The following FAM120A variants were observed in gnomAD, a reference collection of about 807,000 sequenced individuals.
The protein encoded by FAM120A is constitutive coactivator of PPAR-gamma-like protein 1.
A neutral mutation model predicts 109.7 loss-of-function variants in FAM120A; 15 were observed. The ratio of observed to expected loss-of-function variants is 0.14; its 90% CI spans 0.09 to 0.21. The LOEUF (loss-of-function observed/expected upper bound fraction) is 0.21, where lower values mean the gene tolerates loss of function less well. Ranked by LOEUF, FAM120A falls within the 10% of genes least tolerant of loss-of-function variation. FAM120A has a pLI of 1.00. For missense variants in FAM120A, 899 were observed against 1,439.3 expected (o/e 0.62, Z 6.07); for synonymous variants, 493 against 572.8 (o/e 0.86, Z 1.99).
chr9:93,511,742 T>C (rs774024642), intron 5 of FAM120A, among the ~76,000 whole-genome samples: 1 of 152,252 alleles, frequency 6.6e-6, no homozygotes, highest in Non-Finnish European at 1.5e-5. Context: ...ACTCGACATC[T>C]TCAAAGCTAT....
chr9:93,471,539 C>A, intron 2 of FAM120A, 152 bp downstream of exon 2: 1 of 984,510 alleles, frequency 1.0e-6, no homozygotes, highest in Non-Finnish European at 1.5e-6. Context: ...TTCCTTGCTT[C>A]GTATTATTTT....
intron 1 of FAM120A, among the ~76,000 whole-genome samples, chr9:93,458,495 G>T (rs1483655841): frequency 6.6e-6 from 1 of 151,968 alleles, no homozygotes; most frequent in Non-Finnish European, 1.5e-5. Context: ...GCCAATTCTG[G>T]CTCAGTAGTC....
chr9:93,453,447 T>C, intron 1 of FAM120A: 1 of 985,490 alleles, frequency 1.0e-6, no homozygotes. Context: ...GCCTTTTTGT[T>C]GTCTTAGCTC....
intron 12 of FAM120A, 30 bp from the exon 13 acceptor site, chr9:93,556,352 T>A: frequency 6.4e-7 from 1 of 1,565,920 alleles, no homozygotes; most frequent in Non-Finnish European, 8.8e-7. Flanking sequence ...GTACTCTTAT[T>A]CCATAGAAAT....
chr9:93,498,810 T>C lies in FAM120A; in HGVS notation c.954T>C (p.Val318=). The C allele has an allele frequency of 1.2e-6, 2 of 1,611,446 alleles. No homozygotes were observed. The highest frequency in any genetic ancestry group is 1.7e-6 in the Non-Finnish European group (2 of 1,177,588). ...QHSQSRTDDK[V]IRFKRAIGYY... is the part of the protein sequence containing the mutation. ...TTCAGTCTAGAACAGATGACAAAGT[T>C]ATTCGATTTAAGAGAGCAATTGGAT... is the stretch of plus-strand genomic sequence containing the variant. The change falls in exon 5 of 18, where the codon GTT becomes GTC. Residue 318 remains valine (V), a synonymous_variant. Transcript: ENST00000277165. The surrounding 1 kb of genome is among the most constrained non-coding windows in gnomAD (Gnocchi z 4.4).
chr9:93,484,322 T>C (rs1454623785), intron 3 of FAM120A, among the ~76,000 whole-genome samples: 2 of 152,136 alleles, frequency 1.3e-5, no homozygotes, highest in African/African-American at 4.8e-5. Context: ...TGTTACAGGA[T>C]TGCTTTTAGT....
chr9:93,543,077 G>A (rs2131517044), intron 10 of FAM120A, 145 bp from the exon 11 acceptor site: 1 of 971,032 alleles, frequency 1.0e-6, no homozygotes, highest in East Asian at 2.5e-5. Context: ...AGGACTTGAT[G>A]ATTGGTAGTT....
At chr9:93,518,299 G>A (rs367833438) in intron 7 of FAM120A, among the ~76,000 whole-genome samples, 38 of 152,270 alleles carry the variant, frequency 2.5e-4, no homozygotes, top group African/African-American at 8.9e-4. Flanking sequence ...GTGCCAAGTA[G>A]AGACAGTGTT....
intron 10 of FAM120A, among the ~76,000 whole-genome samples, chr9:93,542,575 G>A (rs1013154482): frequency 6.6e-6 from 1 of 152,210 alleles, no homozygotes; most frequent in African/African-American, 2.4e-5. Context: ...GAGGCGAAAT[G>A]TTGGATAACT....
At chr9:93,554,264 C>G (rs1215837516) in intron 12 of FAM120A, among the ~76,000 whole-genome samples, 1 of 151,764 alleles carries the variant, frequency 6.6e-6, no homozygotes, top group Non-Finnish European at 1.5e-5. Context: ...ACATCTGCTG[C>G]TGTTTCTTCA....
At chr9:93,489,673 G>A (rs140768812) in intron 3 of FAM120A, among the ~76,000 whole-genome samples, 3 of 152,336 alleles carry the variant, frequency 2.0e-5, no homozygotes, top group Non-Finnish European at 2.9e-5. Context: ...CATTTTAACA[G>A]CCTTTCAAAT....
chr9:93,476,191 C>G (rs1858541191), intron 2 of FAM120A, 65 bp from the exon 3 acceptor site: 1 of 1,113,558 alleles, frequency 9.0e-7, no homozygotes, highest in Non-Finnish European at 1.4e-6. Flanking sequence ...ATATGCAGCA[C>G]TTTTGAAAGT....
At chr9:93,466,754 C>T (rs1322278152) in intron 1 of FAM120A, among the ~76,000 whole-genome samples, 1 of 152,168 alleles carries the variant, frequency 6.6e-6, no homozygotes, top group Non-Finnish European at 1.5e-5. Flanking sequence ...CACCGGTTCT[C>T]ACTGATGTCT....
intron 1 of FAM120A, chr9:93,453,539 G>T: frequency 1.0e-6 from 1 of 985,396 alleles, no homozygotes; most frequent in Non-Finnish European, 1.2e-6. Flanking sequence ...CTGTCTTCGC[G>T]GTTGCCCCCA....
chr9:93,556,277 TG>T, intron 12 of FAM120A, 104 bp from the exon 13 acceptor site: 2 of 899,314 alleles, frequency 2.2e-6, no homozygotes, highest in Non-Finnish European at 3.5e-6. Flanking sequence ...GGTGCTGTTT[TG>T]TTGAGGAATA....
intron 5 of FAM120A, among the ~76,000 whole-genome samples, chr9:93,501,779 C>T (rs1032997428): frequency 6.6e-6 from 1 of 152,186 alleles, no homozygotes; most frequent in Non-Finnish European, 1.5e-5. Context: ...TTGTTTCAAG[C>T]TGCATACACA....
At chr9:93,512,112 T>A (rs1381907516) in intron 5 of FAM120A, among the ~76,000 whole-genome samples, 1 of 152,170 alleles carries the variant, frequency 6.6e-6, no homozygotes, top group African/African-American at 2.4e-5. Context: ...TTTGTTTTGT[T>A]TTTTGTTTTT....
rs762088381 is a variant in FAM120A, at chr9:93,452,445, C to A, written c.474+56C>A. On this transcript the variant is annotated intron_variant, in intron 1 of 17. Transcript: ENST00000277165. This position sits in a 1 kb window ranked among gnomAD's most constrained non-coding sequence, Gnocchi z 7.0. Reference sequence around the variant, plus strand: ...CCGGGGCCGCGCCGCACCCCTATCCCCCTTCCCAGGGCGCAGAATGTCGCC... The same window carrying A: ...CCGGGGCCGCGCCGCACCCCTATCCACCTTCCCAGGGCGCAGAATGTCGCC... 9 of 1,558,920 alleles carry A rather than the reference C, an allele frequency of 5.8e-6. No individual in the cohort carries two copies. In the Admixed American group the frequency reaches 1.3e-4, roughly 23 times the overall value.
At chr9:93,453,689 CA>C in intron 1 of FAM120A, 2 of 930,056 alleles carry the variant, frequency 2.2e-6, no homozygotes, top group Non-Finnish European at 2.6e-6. Context: ...CTGCGCCTGG[CA>C]GACACACAGC....
Sources: allele counts gnomAD v4.1 joint callset (sites outside exome capture counted in the v4.1 genomes callset), GRCh38; gene constraint gnomAD v4.1.1; non-coding constraint Gnocchi (gnomAD v3.1); transcripts MANE v1.5; gene names NCBI Gene and HGNC (gene_info 2026-07-23, HGNC 2026-07-21).